CEPT1: variants seen among roughly 807,000 people sequenced by gnomAD.
CEPT1 encodes the protein choline/ethanolamine phosphotransferase 1, also known as choline/ethanolaminephosphotransferase 1.
In CEPT1, 7 loss-of-function variants were observed where a neutral mutation model predicts 42.6. That is an observed-to-expected ratio of 0.16 (90% confidence interval 0.09 to 0.31). The LOEUF (loss-of-function observed/expected upper bound fraction) is 0.31, where lower values mean the gene tolerates loss of function less well. Among genes scored for constraint, CEPT1 ranks in the 10% least tolerant of loss-of-function variants. The pLI, the probability that CEPT1 is intolerant of heterozygous loss-of-function variation, is 1.00. For synonymous variants in CEPT1, 171 were observed against 171.9 expected (o/e 0.99, Z 0.04); for missense variants, 306 against 502.1 (o/e 0.61, Z 3.73).
chr1:111,151,178 G>A (rs1022978984), intron 2 of CEPT1, among the ~76,000 whole-genome samples: 3 of 149,464 alleles, frequency 2.0e-5, no homozygotes, highest in African/African-American at 7.4e-5. Context: ...AGGCTGGAGT[G>A]CAGTGGCGCA....
At chr1:111,141,857 T>C (rs1328366165) in intron 1 of CEPT1, among the ~76,000 whole-genome samples, 2 of 152,184 alleles carry the variant, frequency 1.3e-5, no homozygotes, top group Admixed American at 6.5e-5. Context: ...TAATTTGCCC[T>C]TCCTTTCTGC....
chr1:111,176,115 A>G (rs1656664037), intron 5 of CEPT1, among the ~76,000 whole-genome samples: 1 of 152,174 alleles, frequency 6.6e-6, no homozygotes, highest in African/African-American at 2.4e-5. Flanking sequence ...GAATCTGTGA[A>G]GGGGGAGGAG....
rs187279142 is a variant in CEPT1, at chr1:111,177,239, C to G, written c.714+2276C>G. On this transcript the variant is annotated intron_variant, in intron 5 of 8. Coordinates refer to ENST00000357172, the MANE Select transcript of CEPT1 (RefSeq NM_006090.5). ...TTATTACCCTTTGTGGGTGTACTTACGTGACAGGATATGGGTCTGTGCACA... is the reference window on the plus strand; with the variant it reads ...TTATTACCCTTTGTGGGTGTACTTAGGTGACAGGATATGGGTCTGTGCACA... Among the ~76,000 whole-genome samples the G allele has an allele frequency of 8.5e-5, 13 of 152,276 alleles. No individual in the cohort carries two copies. In the East Asian group the frequency reaches 2.3e-3, roughly 27 times the overall value.
chr1:111,168,847 T>A (rs1373551692), intron 4 of CEPT1, among the ~76,000 whole-genome samples: 1 of 152,188 alleles, frequency 6.6e-6, no homozygotes, highest in African/African-American at 2.4e-5. Context: ...TCTGCATCTT[T>A]TTTCAAAATA....
At chr1:111,176,712 A>C (rs1456977472) in intron 5 of CEPT1, among the ~76,000 whole-genome samples, 1 of 152,214 alleles carries the variant, frequency 6.6e-6, no homozygotes, top group Non-Finnish European at 1.5e-5. Context: ...ATTTATTTTC[A>C]TATACACCTT....
At position 111,147,665 on chromosome 1, in the gene CEPT1, A is replaced by G; in HGVS notation, c.-50A>G. 1 of 1,391,288 alleles carries G rather than the reference A, an allele frequency of 7.2e-7. No individual in the cohort carries two copies. Among genetic ancestry groups the G allele is most frequent in the Non-Finnish European group, 9.8e-7 (1 of 1,025,280 alleles). The allele number at this position is 1,391,288 out of a possible 1,614,324, so 86.2% of individuals were successfully genotyped here. ...AGGTAAGCACCAGCCACAAAAACCTACAAAAGAAGGGAAATTACTGTCTTT... is the reference window on the plus strand; with the variant it reads ...AGGTAAGCACCAGCCACAAAAACCTGCAAAAGAAGGGAAATTACTGTCTTT... On this transcript the variant is annotated 5_prime_UTR_variant, in exon 2 of 9. Transcript: ENST00000357172.
intron 5 of CEPT1, among the ~76,000 whole-genome samples, chr1:111,176,961 G>A (rs1442093677): frequency 3.3e-5 from 5 of 152,146 alleles, no homozygotes; most frequent in Admixed American, 1.3e-4. Context: ...AGACATATCA[G>A]TGAAAAGATA....
chr1:111,140,094 A>T (rs1654289082), upstream of CEPT1: 1 of 152,186 alleles, frequency 6.6e-6, no homozygotes, highest in Non-Finnish European at 1.5e-5. Flanking sequence ...CTAAAAGGAG[A>T]CAGGGCTGGG....
intron 3 of CEPT1, 159 bp from the exon 4 acceptor site, chr1:111,160,996 G>A: frequency 2.9e-6 from 2 of 693,016 alleles, no homozygotes; most frequent in South Asian, 1.8e-5. Context: ...TGGGGTAAGA[G>A]ATTATGTAAC....
chr1:111,149,944 T>G (rs1248062144), intron 2 of CEPT1, among the ~76,000 whole-genome samples: 3 of 152,220 alleles, frequency 2.0e-5, no homozygotes, highest in Non-Finnish European at 4.4e-5. Context: ...TGTTCTTAAG[T>G]GATTTGGAAT....
At chr1:111,181,220 G>A (rs1656965845) in intron 5 of CEPT1, 1 of 151,852 alleles carries the variant, frequency 6.6e-6, no homozygotes. Context: ...TTAAACCACT[G>A]GGGGCTTTTG....
chr1:111,178,142 A>C (rs955216686), intron 5 of CEPT1: 1 of 152,164 alleles, frequency 6.6e-6, no homozygotes, highest in Non-Finnish European at 1.5e-5. Flanking sequence ...TTGTGTGCCA[A>C]ATGGAGAAAA....
Position 111,148,023 on chromosome 1 carries a change from A to G in CEPT1, c.309A>G (p.Leu103=). The change falls in exon 2 of 9, where the codon TTA becomes TTG. Residue 103 remains leucine, a synonymous_variant. Transcript: ENST00000357172. ...LSINICTTIL[L]VFYCPTATEQ... ...TAAACATCTGTACAACTATTTTATT[A>G]GTCTTCTACTGCCCTACAGCTACAG... is the stretch of plus-strand genomic sequence containing the variant. The G allele has an allele frequency of 6.2e-7, 1 of 1,614,090 alleles. No individual in the cohort carries two copies. The highest frequency in any genetic ancestry group is 8.5e-7 in the Non-Finnish European group (1 of 1,179,904).
chr1:111,151,218 T>C (rs1362179024), intron 2 of CEPT1, among the ~76,000 whole-genome samples: 1 of 150,520 alleles, frequency 6.6e-6, no homozygotes, highest in East Asian at 2.0e-4. Context: ...TCCACCTCCC[T>C]GGTTCAAGCG....
chr1:111,144,032 A>G (rs1654813184), intron 1 of CEPT1, among the ~76,000 whole-genome samples: 1 of 152,204 alleles, frequency 6.6e-6, no homozygotes. Flanking sequence ...TTCCCAACAT[A>G]GAATAATTTT....
chr1:111,161,669 G>A (rs1451706314), intron 4 of CEPT1, among the ~76,000 whole-genome samples: 2 of 152,038 alleles, frequency 1.3e-5, no homozygotes, highest in African/African-American at 2.4e-5. Context: ...TGAGAGCAGC[G>A]CCCTAATCCA....
chr1:111,164,444 T>G (rs1279760253), intron 4 of CEPT1, among the ~76,000 whole-genome samples: 1 of 152,158 alleles, frequency 6.6e-6, no homozygotes, highest in Non-Finnish European at 1.5e-5. Flanking sequence ...TAGAATTTCA[T>G]GGGAGGATTG....
intron 2 of CEPT1, among the ~76,000 whole-genome samples, chr1:111,149,649 C>A (rs894792391): frequency 6.6e-6 from 1 of 152,214 alleles, no homozygotes; most frequent in African/African-American, 2.4e-5. Context: ...TCCTTGGATT[C>A]TTTATCACAT....
At position 111,182,936 on chromosome 1, in the gene CEPT1, T is replaced by C. The variant is rs369369892; in HGVS notation, c.984T>C (p.Ala328=). 15 of 1,612,964 alleles carry C rather than the reference T, an allele frequency of 9.3e-6. No individual in the cohort carries two copies. Among genetic ancestry groups the C allele is most frequent in the Non-Finnish European group, 1.2e-5 (14 of 1,179,524 alleles). The change falls in exon 7 of 9, where the codon GCT becomes GCC. Residue 328 remains alanine, a synonymous_variant. Coordinates refer to ENST00000357172, the MANE Select transcript of CEPT1 (RefSeq NM_006090.5). ...TACTGACATTTGGTTTTGTGTCTGC[T>C]AAAATCACTAATAAGCTTGTGGTAA... The part of the protein sequence containing the change: ...LYILTFGFVS[A]KITNKLVVAH...
Sources: allele counts gnomAD v4.1 joint callset (sites outside exome capture counted in the v4.1 genomes callset), GRCh38; gene constraint gnomAD v4.1.1; transcripts MANE v1.5; gene names NCBI Gene and HGNC (gene_info 2026-07-23, HGNC 2026-07-21).